CFAP221: variants seen among roughly 807,000 people sequenced by gnomAD.
CFAP221 encodes the protein cilia- and flagella-associated protein 221.
Under a neutral mutation model 113.1 loss-of-function variants are expected in CFAP221, and 97 were observed. The ratio of observed to expected loss-of-function variants is 0.86; its 90% CI spans 0.73 to 1.02. CFAP221 has a LOEUF of 1.02. Ranked by LOEUF, CFAP221 falls within the 50% of genes least tolerant of loss-of-function variation. CFAP221 has a pLI of 0.00. For missense variants in CFAP221, 1,025 were observed against 1,013.4 expected (o/e 1.01, Z -0.16); for synonymous variants, 331 against 354.4 (o/e 0.93, Z 0.74).
At chr2:119,601,192 A>G (rs1684340879) in intron 7 of CFAP221, 26 bp from the exon 8 acceptor site, 2 of 1,499,892 alleles carry the variant, frequency 1.3e-6, no homozygotes, top group East Asian at 2.5e-5. Context: ...AGAGGGTATC[A>G]CATTTTCTCA....
chr2:119,607,985 T>A (rs1177077461), intron 11 of CFAP221, among the ~76,000 whole-genome samples: 1 of 152,240 alleles, frequency 6.6e-6, no homozygotes, highest in Non-Finnish European at 1.5e-5. Flanking sequence ...TGCACTTTTT[T>A]ATGTGACCAT....
At position 119,656,274 on chromosome 2, in the gene CFAP221, G is replaced by T. The variant is rs376316898; in HGVS notation, c.2415-88G>T. The stretch of plus-strand genomic sequence containing the variant: ...TGTATATTAAACGAAATGCTCCTCC[G>T]ACCTTCACCAGCACTGCTGGCGGGG... On this transcript the variant is annotated intron_variant, in intron 23 of 23. Transcript: ENST00000413369. 577 of 997,182 alleles carry T rather than the reference G, an allele frequency of 5.8e-4. 4 individuals are homozygous for T. The African/African-American group carries it at 8.2e-3, about 14-fold the overall frequency. The allele number at this position is 997,182 out of a possible 1,614,324, so 61.8% of individuals were successfully genotyped here.
At chr2:119,627,610 T>C in intron 15 of CFAP221, 43 bp from the exon 16 acceptor site, 1 of 1,582,630 alleles carries the variant, frequency 6.3e-7, no homozygotes, top group Non-Finnish European at 8.6e-7. Flanking sequence ...CCCATAAAAA[T>C]ACCTTTAGTA....
intron 6 of CFAP221, among the ~76,000 whole-genome samples, chr2:119,583,391 G>GTC (rs1481211294): frequency 8.6e-6 from 1 of 116,446 alleles, no homozygotes; most frequent in African/African-American, 3.3e-5. Flanking sequence ...ATAGGAAATA[G>GTC]TCTCTTTTTT....
chr2:119,634,926 A>G (rs940065205), intron 19 of CFAP221, among the ~76,000 whole-genome samples: 1 of 152,232 alleles, frequency 6.6e-6, no homozygotes, highest in Non-Finnish European at 1.5e-5. Flanking sequence ...AATAATGCAC[A>G]TTTAAAAATT....
chr2:119,638,373 G>C lies in CFAP221; in HGVS notation c.2089G>C (p.Gly697Arg). Reference protein sequence around the residue: ...KYKFTKESRHGSSIPVTQKQF... With the variant: ...KYKFTKESRHRSSIPVTQKQF... ...CAAATTCACCAAAGAGTCCCGCCAC[G>C]GGTCCAGCATTCCTGTCACCCAAAA... The change falls in exon 20 of 24, where the codon GGG becomes CGG. Residue 697 changes from glycine (G) to arginine (R), a missense_variant. By Grantham distance (125) the Gly-to-Arg change is moderately radical (BLOSUM62 -2). Transcript: ENST00000413369. 1 of 1,614,068 alleles carries C rather than the reference G, an allele frequency of 6.2e-7. No individual in the cohort carries two copies. The highest frequency in any genetic ancestry group is 8.5e-7 in the Non-Finnish European group (1 of 1,180,018).
downstream of CFAP221, among the ~76,000 whole-genome samples, chr2:119,657,450 G>T (rs1362066075): frequency 1.3e-5 from 2 of 152,156 alleles, no homozygotes; most frequent in Non-Finnish European, 2.9e-5. Flanking sequence ...GCTCAAACAT[G>T]AAAGTTGCCC....
chr2:119,639,096 C>T (rs929985090), intron 20 of CFAP221, among the ~76,000 whole-genome samples: 3 of 152,128 alleles, frequency 2.0e-5, no homozygotes, highest in Non-Finnish European at 4.4e-5. Flanking sequence ...GGGCGGGCAC[C>T]GGTGTGCCAC....
chr2:119,572,285 T>C (rs1682113871), intron 6 of CFAP221, among the ~76,000 whole-genome samples: 1 of 152,214 alleles, frequency 6.6e-6, no homozygotes, highest in African/African-American at 2.4e-5. Flanking sequence ...ACAGCATCTG[T>C]GGGGTGCAGA....
intron 14 of CFAP221, among the ~76,000 whole-genome samples, chr2:119,623,225 GACAA>G (rs1236505033): frequency 3.3e-5 from 5 of 152,094 alleles, no homozygotes; most frequent in South Asian, 2.1e-4. Context: ...ACCAATAATA[GACAA>G]ACAGAGAAAC....
intron 3 of CFAP221, among the ~76,000 whole-genome samples, chr2:119,551,542 C>T (rs956785433): frequency 1.3e-5 from 2 of 152,136 alleles, no homozygotes; most frequent in Non-Finnish European, 2.9e-5. Context: ...GGTCTTGGCC[C>T]TCTTGCTGAA....
intron 8 of CFAP221, among the ~76,000 whole-genome samples, chr2:119,603,695 T>G (rs566962823): frequency 2.0e-5 from 3 of 152,354 alleles, no homozygotes; most frequent in African/African-American, 7.2e-5. Context: ...TAAGCTATTA[T>G]GCCAAATTGG....
chr2:119,571,232 CG>C (rs1224232136), intron 6 of CFAP221, among the ~76,000 whole-genome samples: 2 of 149,498 alleles, frequency 1.3e-5, no homozygotes, highest in African/African-American at 5.0e-5. Context: ...CTCCGCCTCC[CG>C]GGTTCAAGTA....
At chr2:119,568,656 C>G (rs1681818231) in intron 6 of CFAP221, among the ~76,000 whole-genome samples, 1 of 152,138 alleles carries the variant, frequency 6.6e-6, no homozygotes, top group Non-Finnish European at 1.5e-5. Flanking sequence ...CATGTTCCTG[C>G]AAAGGACATT....
downstream of CFAP221, among the ~76,000 whole-genome samples, chr2:119,657,900 A>T (rs903023637): frequency 1.3e-5 from 2 of 152,204 alleles, no homozygotes; most frequent in African/African-American, 4.8e-5. Flanking sequence ...GGTGCATCTT[A>T]TCAAGGGGCT....
chr2:119,652,686 C>T (rs1688197726), intron 23 of CFAP221, among the ~76,000 whole-genome samples: 1 of 152,140 alleles, frequency 6.6e-6, no homozygotes, highest in Admixed American at 6.5e-5. Flanking sequence ...ATGTGTTCCT[C>T]CTCATTGTAA....
At position 119,561,887 on chromosome 2, in the gene CFAP221, G is replaced by A. The variant is rs551371288; in HGVS notation, c.427-127G>A. 4.3e-6 allele frequency: 3 copies of A among 697,538 alleles called. No homozygotes were observed. The African/African-American group carries it at 5.5e-5, about 13-fold the overall frequency. The allele number at this position is 697,538 out of a possible 1,614,324, so 43.2% of individuals were successfully genotyped here. A position where few individuals can be genotyped will look rare whatever the true frequency, so the allele number is the denominator to read the frequency against. ...TCAGTATGTCTAATGTTGTAGTTAAGCGCTGAAGTTTCTTAAGGAAATATT... is the reference window on the plus strand; with the variant it reads ...TCAGTATGTCTAATGTTGTAGTTAAACGCTGAAGTTTCTTAAGGAAATATT... On this transcript the variant is annotated intron_variant, in intron 5 of 23. Coordinates refer to ENST00000413369, the MANE Select transcript of CFAP221 (RefSeq NM_001271049.2).
intron 6 of CFAP221, among the ~76,000 whole-genome samples, chr2:119,574,586 T>C (rs1682302708): frequency 6.6e-6 from 1 of 152,200 alleles, no homozygotes; most frequent in African/African-American, 2.4e-5. Context: ...GTTCTCTTCC[T>C]CCTTGCCTGA....
At chr2:119,641,621 T>C (rs997612085) in intron 21 of CFAP221, among the ~76,000 whole-genome samples, 1 of 152,138 alleles carries the variant, frequency 6.6e-6, no homozygotes, top group Non-Finnish European at 1.5e-5. Context: ...CACATTTGTG[T>C]GTGTGTGAGG....
Sources: gnomAD v4.1 joint callset for allele counts (sites outside exome capture counted in the v4.1 genomes callset) on GRCh38, gnomAD v4.1.1 for gene constraint, MANE v1.5 for transcripts, NCBI Gene and HGNC (gene_info 2026-07-23, HGNC 2026-07-21) for gene names.